SOX11: variants seen among roughly 807,000 people sequenced by gnomAD.
SOX11 encodes the protein SRY-box transcription factor 11, also known as transcription factor SOX-11.
A neutral mutation model predicts 16.7 loss-of-function variants in SOX11; 5 were observed. The ratio of observed to expected loss-of-function variants is 0.30; its 90% confidence interval spans 0.16 to 0.63. The LOEUF is 0.63. Among genes scored for constraint, SOX11 ranks in the 20% least tolerant of loss-of-function variants. SOX11 has a pLI of 0.82. For missense variants in SOX11, 492 were observed against 641.5 expected (o/e 0.77, Z 2.52); for synonymous variants, 363 against 298.8 (o/e 1.21, Z -2.22).
In SOX11 at chr2:5,693,236, C is replaced by G. The variant is rs1665667356; in HGVS notation, c.515C>G (p.Ala172Gly). 7.9e-6 allele frequency: 11 copies of G among 1,392,398 alleles called. No homozygotes were observed. The highest frequency in any genetic ancestry group is 1.0e-5 in the Non-Finnish European group (11 of 1,085,692). 86.3% of individuals were successfully genotyped at this position (1,392,398 alleles called of 1,614,324 possible). The change falls in exon 1 of 1, where the codon GCC (alanine) becomes GGC (glycine). Residue 172 changes from alanine (A) to glycine (G), a missense_variant. Physicochemically the swap from Ala to Gly is moderately conservative, Grantham distance 60. Transcript: ENST00000322002. This position sits in a 1 kb window ranked among gnomAD's most constrained non-coding sequence, Gnocchi z 8.6. ...AGCAAGAAATGCGGCAAGCTCAAGG[C>G]CCCCGCGGCCGCGGGCGCCAAGGCG... is the stretch of plus-strand genomic sequence containing the variant. ...GSSKKCGKLKAPAAAGAKAGA... is the reference protein window; with the variant it reads ...GSSKKCGKLKGPAAAGAKAGA...
In SOX11 at chr2:5,700,591, T is replaced by C. The variant is rs1485049210; in HGVS notation, c.*6544T>C. The C allele has an allele frequency of 6.0e-6, 1 of 167,128 alleles. No individual in the cohort carries two copies. Among genetic ancestry groups the C allele is most frequent in the African/African-American group, 2.4e-5 (1 of 41,474 alleles). 10.4% of individuals were successfully genotyped at this position (167,128 alleles called of 1,614,324 possible). On this transcript the variant is annotated 3_prime_UTR_variant, in exon 1 of 1. Coordinates refer to ENST00000322002, the MANE Select transcript of SOX11 (RefSeq NM_003108.4). Reference sequence around the variant, plus strand: ...GAGAAACGTTATACTCCATTCTCATTAATTTCCCATTTTGTCTACTTTTAC... The same window carrying C: ...GAGAAACGTTATACTCCATTCTCATCAATTTCCCATTTTGTCTACTTTTAC...
At position 5,699,934 on chromosome 2, in the gene SOX11, G is replaced by A. The variant is rs1665806267; in HGVS notation, c.*5887G>A. On this transcript the variant is annotated 3_prime_UTR_variant, in exon 1 of 1. Coordinates refer to ENST00000322002, the MANE Select transcript of SOX11 (RefSeq NM_003108.4). The stretch of plus-strand genomic sequence containing the variant: ...TTATACTCAATAAAAGCACAAAAGT[G>A]CAGAAAGTATAAAACGGCTTACAAA... The A allele has an allele frequency of 6.0e-6, 1 of 166,944 alleles. No homozygotes were observed. The highest frequency in any genetic ancestry group is 1.5e-5 in the Non-Finnish European group (1 of 68,100). 10.3% of individuals were successfully genotyped at this position (166,944 alleles called of 1,614,324 possible). A position where few individuals can be genotyped will look rare whatever the true frequency, so the allele number is the denominator to read the frequency against.
At position 5,699,149 on chromosome 2, in the gene SOX11, T is replaced by G. The variant is rs1665793564; in HGVS notation, c.*5102T>G. The G allele has an allele frequency of 6.0e-6, 1 of 167,082 alleles. No individual in the cohort carries two copies. Among genetic ancestry groups the G allele is most frequent in the South Asian group, 2.1e-4 (1 of 4,832 alleles). 10.3% of individuals were successfully genotyped at this position (167,082 alleles called of 1,614,324 possible). ...TATACTCTTTTACTGTGTGGTTCCC[T>G]GCTTTTAACAGATTTCTGAGGCAAA... On this transcript the variant is annotated 3_prime_UTR_variant, in exon 1 of 1. Coordinates refer to ENST00000322002, the MANE Select transcript of SOX11 (RefSeq NM_003108.4).
chr2:5,700,759 G>T lies in SOX11; in HGVS notation c.*6712G>T, dbSNP rs557090992. ...ATGGCATCCCATAATGCTTCGTGACGGCCACCAGGACAGAACCACCTGATG... is the reference window on the plus strand; with the variant it reads ...ATGGCATCCCATAATGCTTCGTGACTGCCACCAGGACAGAACCACCTGATG... On this transcript the variant is annotated 3_prime_UTR_variant, in exon 1 of 1. Transcript: ENST00000322002. 1 of 167,000 alleles carries T rather than the reference G, an allele frequency of 6.0e-6. No individual in the cohort carries two copies. The highest frequency in any genetic ancestry group is 1.5e-5 in the Non-Finnish European group (1 of 68,096). The allele number at this position is 167,000 out of a possible 1,614,324, so 10.3% of individuals were successfully genotyped here. A position where few individuals can be genotyped will look rare whatever the true frequency, so the allele number is the denominator to read the frequency against.
In SOX11 at chr2:5,699,201, G is replaced by A. The variant is rs1332429531; in HGVS notation, c.*5154G>A. 6.0e-6 allele frequency: 1 copy of A among 166,774 alleles called. No individual in the cohort carries two copies. The highest frequency in any genetic ancestry group is 1.5e-5 in the Non-Finnish European group (1 of 68,098). 10.3% of individuals were successfully genotyped at this position (166,774 alleles called of 1,614,324 possible). A position where few individuals can be genotyped will look rare whatever the true frequency, so the allele number is the denominator to read the frequency against. ...ATATTTGTGCTTTTTTCTTATGTAG[G>A]AAGACCAGCGAAAATAGTTTACTGA... On this transcript the variant is annotated 3_prime_UTR_variant, in exon 1 of 1. Transcript: ENST00000322002.
chr2:5,692,994 G>C lies in SOX11; in HGVS notation c.273G>C (p.Lys91Asn). 1 of 1,614,148 alleles carries C rather than the reference G, an allele frequency of 6.2e-7. No individual in the cohort carries two copies. Among genetic ancestry groups the C allele is most frequent in the Non-Finnish European group, 8.5e-7 (1 of 1,180,036 alleles). Residue 91 changes from lysine (K) to asparagine (N), a missense_variant, in exon 1 of 1, where the codon AAG becomes AAC. Physicochemically the swap from Lys to Asn is moderately conservative, Grantham distance 94 (BLOSUM62 0). Transcript: ENST00000322002. ...TGGGCAAGCGCTGGAAAATGCTGAA[G>C]GACAGCGAGAAGATCCCGTTCATCC... ...KRLGKRWKML[K>N]DSEKIPFIRE...
At position 5,694,137 on chromosome 2, in the gene SOX11, G is replaced by T; in HGVS notation, c.*90G>T. 15 of 1,116,130 alleles carry T rather than the reference G, an allele frequency of 1.3e-5. No individual in the cohort carries two copies. Among genetic ancestry groups the T allele is most frequent in the Non-Finnish European group, 1.8e-5 (15 of 838,060 alleles). 69.1% of individuals were successfully genotyped at this position (1,116,130 alleles called of 1,614,324 possible). A position where few individuals can be genotyped will look rare whatever the true frequency, so the allele number is the denominator to read the frequency against. ...TAGTGGTGATGATGATGATGATAAT[G>T]ATGATGATGATGGTGGTGTTGATGG... is the stretch of plus-strand genomic sequence containing the variant. On this transcript the variant is annotated 3_prime_UTR_variant, in exon 1 of 1. Transcript: ENST00000322002.
chr2:5,699,443 C>T lies in SOX11; in HGVS notation c.*5396C>T, dbSNP rs1229162526. ...GGGATTTACAAGTTCCCAAAGTAAC[C>T]GTCTCCATGTAACTCTTGACATACT... On this transcript the variant is annotated 3_prime_UTR_variant, in exon 1 of 1. Coordinates refer to ENST00000322002, the MANE Select transcript of SOX11 (RefSeq NM_003108.4). 1 of 166,930 alleles carries T rather than the reference C, an allele frequency of 6.0e-6. No individual in the cohort carries two copies. Among genetic ancestry groups the T allele is most frequent in the Non-Finnish European group, 1.5e-5 (1 of 68,088 alleles). 10.3% of individuals were successfully genotyped at this position (166,930 alleles called of 1,614,324 possible). A position where few individuals can be genotyped will look rare whatever the true frequency, so the allele number is the denominator to read the frequency against.
Position 5,692,613 on chromosome 2 carries a change from G to T in SOX11, c.-109G>T. The T allele has an allele frequency of 1.0e-5, 8 of 803,056 alleles. No individual in the cohort carries two copies. Among genetic ancestry groups the T allele is most frequent in the Non-Finnish European group, 1.5e-5 (8 of 528,202 alleles). 49.7% of individuals were successfully genotyped at this position (803,056 alleles called of 1,614,324 possible). On this transcript the variant is annotated 5_prime_UTR_variant, in exon 1 of 1. Transcript: ENST00000322002. ...AGGGGGGGAGCCGCGAAAGCGGGGTGCCGAGGACTTTGCAACTTGCCCAGG... is the reference window on the plus strand; with the variant it reads ...AGGGGGGGAGCCGCGAAAGCGGGGTTCCGAGGACTTTGCAACTTGCCCAGG...
rs1352688553 is a variant in SOX11, at chr2:5,697,582, T to C, written c.*3535T>C. 6.0e-6 allele frequency: 1 copy of C among 167,050 alleles called. No homozygotes were observed. Among genetic ancestry groups the C allele is most frequent in the African/African-American group, 2.4e-5 (1 of 41,444 alleles). The allele number at this position is 167,050 out of a possible 1,614,324, so 10.3% of individuals were successfully genotyped here. A position where few individuals can be genotyped will look rare whatever the true frequency, so the allele number is the denominator to read the frequency against. ...TTTTGCTGCAGATGGACAGGTTTCTTTTCTGTGGCTTTTTCCTTTCGATAA... is the reference window on the plus strand; with the variant it reads ...TTTTGCTGCAGATGGACAGGTTTCTCTTCTGTGGCTTTTTCCTTTCGATAA... On this transcript the variant is annotated 3_prime_UTR_variant, in exon 1 of 1. Transcript: ENST00000322002.
rs1572217644 is a variant in SOX11, at chr2:5,694,740, C to T, written c.*693C>T. ...TGTCTTCTATGCATCCGATTCTTAA[C>T]AAAACTGCAGGGAGCTTGAAAAAAT... On this transcript the variant is annotated 3_prime_UTR_variant, in exon 1 of 1. Transcript: ENST00000322002. 1.0e-5 allele frequency: 1 copy of T among 99,500 alleles called. No individual in the cohort carries two copies. The highest frequency in any genetic ancestry group is 4.3e-5 in the African/African-American group (1 of 22,994). 6.2% of individuals were successfully genotyped at this position (99,500 alleles called of 1,614,324 possible).
Position 5,692,961 on chromosome 2 carries a change from C to G in SOX11, c.240C>G (p.Ser80=). The G allele has an allele frequency of 6.2e-7, 1 of 1,614,170 alleles. No homozygotes were observed. The highest frequency in any genetic ancestry group is 8.5e-7 in the Non-Finnish European group (1 of 1,180,034). The change falls in exon 1 of 1, where the codon TCC becomes TCG. Residue 80 remains serine (S), a synonymous_variant. Transcript: ENST00000322002. Reference sequence around the variant, plus strand: ...CGGACATGCACAACGCCGAGATCTCCAAGAGGCTGGGCAAGCGCTGGAAAA... The same window carrying G: ...CGGACATGCACAACGCCGAGATCTCGAAGAGGCTGGGCAAGCGCTGGAAAA... ...QSPDMHNAEI[S]KRLGKRWKML...
In SOX11 at chr2:5,692,676, C is replaced by T; in HGVS notation, c.-46C>T. The T allele has an allele frequency of 6.7e-7, 1 of 1,487,374 alleles. No individual in the cohort carries two copies. Among genetic ancestry groups the T allele is most frequent in the Non-Finnish European group, 9.0e-7 (1 of 1,109,760 alleles). The allele number at this position is 1,487,374 out of a possible 1,614,324, so 92.1% of individuals were successfully genotyped here. A position where few individuals can be genotyped will look rare whatever the true frequency, so the allele number is the denominator to read the frequency against. Reference sequence around the variant, plus strand: ...TGGGAGGGGGAGGGGGACCTCCGCACGAGACCCAGCGGCCCGGGTTGGAGC... The same window carrying T: ...TGGGAGGGGGAGGGGGACCTCCGCATGAGACCCAGCGGCCCGGGTTGGAGC... On this transcript the variant is annotated 5_prime_UTR_variant, in exon 1 of 1. The change creates a new upstream start codon in the 5' untranslated region. Coordinates refer to ENST00000322002, the MANE Select transcript of SOX11 (RefSeq NM_003108.4).
At position 5,695,302 on chromosome 2, in the gene SOX11, G is replaced by A. The variant is rs1444852447; in HGVS notation, c.*1255G>A. 1.2e-5 allele frequency: 2 copies of A among 166,746 alleles called. No individual in the cohort carries two copies. Among genetic ancestry groups the A allele is most frequent in the Admixed American group, 1.3e-4 (2 of 15,256 alleles). The allele number at this position is 166,746 out of a possible 1,614,324, so 10.3% of individuals were successfully genotyped here. On this transcript the variant is annotated 3_prime_UTR_variant, in exon 1 of 1. Transcript: ENST00000322002. The stretch of plus-strand genomic sequence containing the variant: ...TGAAAATGGTGATATAGACCTCAGA[G>A]CTGTTATCTTAGTTTAAAGATTGTA...
chr2:5,700,146 T>G lies in SOX11; in HGVS notation c.*6099T>G, dbSNP rs920705677. 4 of 167,028 alleles carry G rather than the reference T, an allele frequency of 2.4e-5. No homozygotes were observed. The highest frequency in any genetic ancestry group is 4.4e-5 in the Non-Finnish European group (3 of 68,104). The allele number at this position is 167,028 out of a possible 1,614,324, so 10.3% of individuals were successfully genotyped here. On this transcript the variant is annotated 3_prime_UTR_variant, in exon 1 of 1. Transcript: ENST00000322002. Reference sequence around the variant, plus strand: ...CAGAGAAACAAACCACTAAAAGCAATATGACCGAGTTGAGATGTGGTTTCC... The same window carrying G: ...CAGAGAAACAAACCACTAAAAGCAAGATGACCGAGTTGAGATGTGGTTTCC...
chr2:5,698,848 A>G lies in SOX11; in HGVS notation c.*4801A>G. 6.0e-6 allele frequency: 1 copy of G among 167,232 alleles called. No individual in the cohort carries two copies. The allele number at this position is 167,232 out of a possible 1,614,324, so 10.4% of individuals were successfully genotyped here. A position where few individuals can be genotyped will look rare whatever the true frequency, so the allele number is the denominator to read the frequency against. ...TTTTTCTCTTCTGGGACTTGAAATC[A>G]TAATCATCTGATATTAGTACAGTAC... On this transcript the variant is annotated 3_prime_UTR_variant, in exon 1 of 1. Transcript: ENST00000322002.
Position 5,694,134 on chromosome 2 carries a change from A to ATAATG in SOX11, c.*87_*88insTAATG, listed in dbSNP as rs1558374285. On this transcript the variant is annotated 3_prime_UTR_variant, in exon 1 of 1. Transcript: ENST00000322002. ...TTGTAGTGGTGATGATGATGATGAT[A>ATAATG]ATGATGATGATGATGGTGGTGTTGA... The ATAATG allele has an allele frequency of 6.5e-5, 72 of 1,111,644 alleles. No individual in the cohort carries two copies. Among genetic ancestry groups the ATAATG allele is most frequent in the Non-Finnish European group, 8.0e-5 (68 of 845,546 alleles). 68.9% of individuals were successfully genotyped at this position (1,111,644 alleles called of 1,614,324 possible).
In SOX11 at chr2:5,692,575, G is replaced by A; in HGVS notation, c.-147G>A. On this transcript the variant is annotated 5_prime_UTR_variant, in exon 1 of 1. Transcript: ENST00000322002. ...CAGCCGCTGTGTGCAGCCTGGAAGGGGGGGCGGGGGGGAGGGGGGGAGCCG... is the reference window on the plus strand; with the variant it reads ...CAGCCGCTGTGTGCAGCCTGGAAGGAGGGGCGGGGGGGAGGGGGGGAGCCG... 2 of 653,092 alleles carry A rather than the reference G, an allele frequency of 3.1e-6. No homozygotes were observed. Among genetic ancestry groups the A allele is most frequent in the Non-Finnish European group, 5.1e-6 (2 of 395,184 alleles). The allele number at this position is 653,092 out of a possible 1,614,324, so 40.5% of individuals were successfully genotyped here. A position where few individuals can be genotyped will look rare whatever the true frequency, so the allele number is the denominator to read the frequency against.
In SOX11 at chr2:5,693,970, T is replaced by A. The variant is rs1317674231; in HGVS notation, c.1249T>A (p.Cys417Ser). The A allele has an allele frequency of 6.4e-7, 1 of 1,551,490 alleles. No individual in the cohort carries two copies. Among genetic ancestry groups the A allele is most frequent in the African/African-American group, 1.4e-5 (1 of 73,046 alleles). ...CTCCCACTTCGAGTTCCCCGACTACTGCACGCCGGAGCTGAGCGAGATGAT... is the reference window on the plus strand; with the variant it reads ...CTCCCACTTCGAGTTCCCCGACTACAGCACGCCGGAGCTGAGCGAGATGAT... ...LGSHFEFPDYCTPELSEMIAG... is the reference protein window; with the variant it reads ...LGSHFEFPDYSTPELSEMIAG... Residue 417 changes from cysteine to serine, a missense_variant, in exon 1 of 1, where the codon TGC becomes AGC. This residue lies in a region of SOX11 where 31 missense variants were observed against 78.3 expected (regional missense o/e 0.40). Transcript: ENST00000322002. The surrounding 1 kb of genome is among the most constrained non-coding windows in gnomAD (Gnocchi z 8.6).
Sources: gnomAD v4.1 joint callset for allele counts on GRCh38, gnomAD v4.1.1 for gene constraint, gnomAD v4.1.1 regional missense constraint, Gnocchi (gnomAD v3.1) non-coding constraint, MANE v1.5 for transcripts, NCBI Gene and HGNC (gene_info 2026-07-23, HGNC 2026-07-21) for gene names.